MCTP2: variants seen among roughly 807,000 people sequenced by gnomAD.
The protein encoded by MCTP2 is multiple C2 and transmembrane domain containing 2.
MCTP2 carries 132 observed loss-of-function variants against 111.6 expected under a neutral mutation model. The ratio of observed to expected loss-of-function variants is 1.18; its 90% CI spans 1.03 to 1.37. The LOEUF (loss-of-function observed/expected upper bound fraction) is 1.37. MCTP2 is among the 40% of genes most tolerant of loss of function. The pLI, the probability that MCTP2 is intolerant of heterozygous loss-of-function variation, is 0.00. For synonymous variants in MCTP2, 395 were observed against 387.7 expected (o/e 1.02, Z -0.22); for missense variants, 1,183 against 1,067.9 (o/e 1.11, Z -1.50).
At chr15:94,338,877 T>A (rs540430200) in intron 4 of MCTP2, among the ~76,000 whole-genome samples, 4 of 152,344 alleles carry the variant, frequency 2.6e-5, no homozygotes, top group African/African-American at 9.6e-5. Flanking sequence ...AGTATAGGAT[T>A]CTGTTGAATC....
At chr15:94,473,351 C>T (rs564589012) in intron 21 of MCTP2, among the ~76,000 whole-genome samples, 1 of 152,312 alleles carries the variant, frequency 6.6e-6, no homozygotes, top group Non-Finnish European at 1.5e-5. Context: ...AGCTTAATAC[C>T]TGTGCTCTAT....
intron 19 of MCTP2, among the ~76,000 whole-genome samples, chr15:94,448,955 T>C (rs189396400): frequency 6.6e-6 from 1 of 152,226 alleles, no homozygotes; most frequent in Non-Finnish European, 1.5e-5. Flanking sequence ...GCAGGAGAAT[T>C]GCTTGAACTG....
chr15:94,462,763 T>A (rs184181766), intron 20 of MCTP2, among the ~76,000 whole-genome samples: 6 of 152,336 alleles, frequency 3.9e-5, no homozygotes, highest in Admixed American at 3.9e-4. Context: ...TATTTAACTT[T>A]TAGGACTCAG....
intron 9 of MCTP2, 44 bp downstream of exon 9, chr15:94,356,345 A>G (rs1222091652): frequency 7.3e-7 from 1 of 1,373,380 alleles, no homozygotes; most frequent in African/African-American, 1.5e-5. Context: ...TCTTTAAAAT[A>G]AAAAAAAATT....
Position 94,336,262 on chromosome 15 carries a change from T to C in MCTP2, c.638-3028T>C, listed in dbSNP as rs17661728. ...TTCTCTGCCTGTTCTGATCCACCCA[T>C]GTTTCAACTCCCATCTTCTTTATTG... is the stretch of plus-strand genomic sequence containing the variant. On this transcript the variant is annotated intron_variant, in intron 4 of 22. Coordinates refer to ENST00000357742, the MANE Select transcript of MCTP2 (RefSeq NM_001385001.1). 5.2e-3 allele frequency among the ~76,000 whole-genome samples: 791 copies of C among 152,316 alleles called. 20 individuals are homozygous for C. The highest frequency in any genetic ancestry group is 0.036 in the Admixed American group (549 of 15,302).
chr15:94,413,776 A>G (rs1227531760), intron 17 of MCTP2, among the ~76,000 whole-genome samples: 1 of 152,212 alleles, frequency 6.6e-6, no homozygotes, highest in Non-Finnish European at 1.5e-5. Flanking sequence ...TAGACAATAC[A>G]TAGTGAATAT....
chr15:94,404,637 A>G (rs1040638744), intron 17 of MCTP2, among the ~76,000 whole-genome samples: 1 of 150,702 alleles, frequency 6.6e-6, no homozygotes, highest in African/African-American at 2.4e-5. Context: ...TGGTAAGATT[A>G]TGGGTAGCCA....
At chr15:94,402,352 A>C in intron 17 of MCTP2, 2 of 1,455,246 alleles carry the variant, frequency 1.4e-6, no homozygotes, top group Non-Finnish European at 1.8e-6. Context: ...CTGAAAAATC[A>C]CAGGACTAAA....
At chr15:94,290,656 G>C (rs1050212479) in intron 1 of MCTP2, among the ~76,000 whole-genome samples, 2 of 152,178 alleles carry the variant, frequency 1.3e-5, no homozygotes, top group Non-Finnish European at 2.9e-5. Context: ...CTTTCCATAA[G>C]AAACTCACTT....
At chr15:94,289,643 A>T (rs1473505339) in intron 1 of MCTP2, among the ~76,000 whole-genome samples, 3 of 152,230 alleles carry the variant, frequency 2.0e-5, no homozygotes, top group Non-Finnish European at 4.4e-5. Context: ...TTGAAATCAA[A>T]AGTTAAACAT....
chr15:94,384,182 C>T, intron 13 of MCTP2, 58 bp downstream of exon 13: 1 of 1,179,892 alleles, frequency 8.5e-7, no homozygotes, highest in Non-Finnish European at 1.2e-6. Context: ...GTCTGGGGCT[C>T]TTGAGTGGAA....
chr15:94,355,232 A>G lies in MCTP2; in HGVS notation c.1006-905A>G, dbSNP rs574820556. ...TAGCAGGATTTTTATGTAAAAACAA[A>G]TGTGGATTTTGCTTTAAGATATTTC... On this transcript the variant is annotated intron_variant, in intron 8 of 22. Transcript: ENST00000357742. Among the ~76,000 whole-genome samples the G allele has an allele frequency of 3.3e-5, 5 of 152,336 alleles. No individual in the cohort carries two copies. In the South Asian group the frequency reaches 6.2e-4, roughly 19 times the overall value.
At chr15:94,314,792 G>A (rs1219696739) in intron 3 of MCTP2, 1 of 455,566 alleles carries the variant, frequency 2.2e-6, no homozygotes, top group Admixed American at 2.4e-5. Context: ...TTCAAAAACA[G>A]ACTTGAATTC....
chr15:94,314,154 GCGGCCCT>G, intron 2 of MCTP2, 121 bp from the exon 3 acceptor site: 1 of 622,992 alleles, frequency 1.6e-6, no homozygotes, highest in South Asian at 2.1e-5. Context: ...AAACAGGAAG[GCGGCCCT>G]CACTGAAGCT....
In MCTP2 at chr15:94,358,519, A is replaced by C. The variant is rs780084839; in HGVS notation, c.1208A>C (p.Gln403Pro). The change falls in exon 10 of 23, where the codon CAG (glutamine) becomes CCG (proline). Residue 403 changes from glutamine (Q) to proline (P), a missense_variant. Gln to Pro is a moderately conservative substitution (Grantham distance 76). Coordinates refer to ENST00000357742, the MANE Select transcript of MCTP2 (RefSeq NM_001385001.1). Reference sequence around the variant, plus strand: ...AGTGCAAATCCGCAGTGGCAGGAACAGTTTGACTTTCACTACTTCTCTGAC... The same window carrying C: ...AGTGCAAATCCGCAGTGGCAGGAACCGTTTGACTTTCACTACTTCTCTGAC... Reference protein sequence around the residue: ...CKSANPQWQEQFDFHYFSDRM... With the variant: ...CKSANPQWQEPFDFHYFSDRM... 1.2e-6 allele frequency: 2 copies of C among 1,613,660 alleles called. No homozygotes were observed. The highest frequency in any genetic ancestry group is 2.7e-5 in the African/African-American group (2 of 74,912).
At chr15:94,328,898 A>G (rs1236431898) in intron 4 of MCTP2, among the ~76,000 whole-genome samples, 1 of 152,094 alleles carries the variant, frequency 6.6e-6, no homozygotes, top group Non-Finnish European at 1.5e-5. Flanking sequence ...GTTGATTCCC[A>G]TATTGTGTGT....
chr15:94,390,062 A>G lies in MCTP2; in HGVS notation c.1788+4537A>G, dbSNP rs533838237. Among the ~76,000 whole-genome samples, 69 of 10,270 alleles carry G rather than the reference A, an allele frequency of 6.7e-3. 1 individual carries two copies. Among genetic ancestry groups the G allele is most frequent in the South Asian group, 0.043 (10 of 232 alleles). The allele number at this position is 10,270 out of a possible 152,430, so 6.7% of individuals were successfully genotyped here. On this transcript the variant is annotated intron_variant, in intron 14 of 22. Coordinates refer to ENST00000357742, the MANE Select transcript of MCTP2 (RefSeq NM_001385001.1). ...GAATGTTCAAGGCATATATATATAT[A>G]TATATATATATATATATATATATAT... is the stretch of plus-strand genomic sequence containing the variant.
In MCTP2 at chr15:94,476,601, CTGACAGAT is replaced by C. The variant is rs1334797113; in HGVS notation, c.2471-94_2471-87del. On this transcript the variant is annotated intron_variant, in intron 21 of 22. Transcript: ENST00000357742. ...AGATGCTAGATAGATAGATGATTGA[CTGACAGAT>C]AGATAGATAGATAGATAGATAGATA... The C allele has an allele frequency of 1.2e-5, 9 of 748,310 alleles. No homozygotes were observed. The East Asian group carries it at 1.9e-4, about 15-fold the overall frequency. 46.4% of individuals were successfully genotyped at this position (748,310 alleles called of 1,614,324 possible).
At chr15:94,275,980 C>G (rs1460331119) in intron 1 of MCTP2, among the ~76,000 whole-genome samples, 1 of 151,702 alleles carries the variant, frequency 6.6e-6, no homozygotes, top group African/African-American at 2.4e-5. Context: ...TCCTGAGTAG[C>G]TGGGACAGGC....
Sources: gnomAD v4.1 joint callset for allele counts (sites outside exome capture counted in the v4.1 genomes callset) on GRCh38, gnomAD v4.1.1 for gene constraint, MANE v1.5 for transcripts, NCBI Gene and HGNC (gene_info 2026-07-23, HGNC 2026-07-21) for gene names.